Variants in EBF1 observed in about 807,000 individuals in gnomAD.
EBF1 encodes the protein transcription factor COE1.
In EBF1, 10 loss-of-function variants were observed where a neutral mutation model predicts 68.4. That is an observed-to-expected ratio of 0.15 (90% CI 0.09 to 0.25). The LOEUF (loss-of-function observed/expected upper bound fraction) is 0.25. EBF1 is among the 10% of genes least tolerant of loss of function. EBF1 has a pLI of 1.00. For synonymous variants in EBF1, 298 were observed against 299.8 expected, an observed-to-expected ratio of 0.99 and a Z score of 0.06; for missense variants, 509 against 794.4, an observed-to-expected ratio of 0.64 and a Z score of 4.32.
At chr5:158,834,383 C>T (rs1028208349) in intron 7 of EBF1, among the ~76,000 whole-genome samples, 11 of 152,154 alleles carry the variant, frequency 7.2e-5, no homozygotes, top group African/African-American at 2.2e-4. Flanking sequence ...CTCCCCTTCT[C>T]TTTCCTCCAG....
intron 6 of EBF1, among the ~76,000 whole-genome samples, chr5:158,893,273 C>T (rs1349898877): frequency 6.6e-6 from 1 of 152,160 alleles, no homozygotes; most frequent in East Asian, 1.9e-4. Flanking sequence ...TTATAAAATA[C>T]TCAACTTGAC....
rs557389418 is a variant in EBF1, at chr5:158,928,381, G to C, written c.555-88271C>G. The stretch of plus-strand genomic sequence containing the variant: ...TCAAAAAAACAGAAATAGGAGCCCT[G>C]TTACTTATCACATTCAGCTTTAAAA... On this transcript the variant is annotated intron_variant, in intron 6 of 15. Coordinates refer to ENST00000313708, the MANE Select transcript of EBF1 (RefSeq NM_024007.5). Among the ~76,000 whole-genome samples, 3 of 152,246 alleles carry C rather than the reference G, an allele frequency of 2.0e-5. No individual in the cohort carries two copies. In the South Asian group the frequency reaches 6.2e-4, roughly 32 times the overall value.
intron 6 of EBF1, among the ~76,000 whole-genome samples, chr5:158,851,030 T>C (rs1194226251): frequency 1.3e-5 from 2 of 151,384 alleles, no homozygotes; most frequent in East Asian, 2.0e-4. Context: ...TGAGTAGAAA[T>C]AAAAATAAAA....
intron 6 of EBF1, among the ~76,000 whole-genome samples, chr5:158,989,771 T>C (rs1208778813): frequency 6.6e-6 from 1 of 152,176 alleles, no homozygotes; most frequent in Non-Finnish European, 1.5e-5. Context: ...GACATATTAA[T>C]TTATTATAAC....
At chr5:158,769,816 G>A (rs1037021745) in intron 10 of EBF1, among the ~76,000 whole-genome samples, 2 of 151,938 alleles carry the variant, frequency 1.3e-5, no homozygotes, top group Non-Finnish European at 2.9e-5. Context: ...TCTTTTCTTT[G>A]TGTGTAAATG....
At chr5:159,039,987 C>A (rs1391203709) in intron 6 of EBF1, among the ~76,000 whole-genome samples, 4 of 152,082 alleles carry the variant, frequency 2.6e-5, no homozygotes, top group Non-Finnish European at 4.4e-5. Flanking sequence ...GTTTTTTGCT[C>A]AAATGTAATA....
At chr5:159,065,949 C>G (rs993123627) in intron 6 of EBF1, among the ~76,000 whole-genome samples, 3 of 152,058 alleles carry the variant, frequency 2.0e-5, no homozygotes, top group Admixed American at 6.5e-5. Context: ...TGAGGAGCCC[C>G]CCATGCTGCT....
At chr5:158,847,202 G>C (rs531619623) in intron 6 of EBF1, among the ~76,000 whole-genome samples, 1 of 152,264 alleles carries the variant, frequency 6.6e-6, no homozygotes, top group African/African-American at 2.4e-5. Flanking sequence ...TGCCCTTGAG[G>C]GAAGGGCATC....
chr5:158,946,116 T>C (rs1459310895), intron 6 of EBF1, among the ~76,000 whole-genome samples: 2 of 152,174 alleles, frequency 1.3e-5, no homozygotes, highest in African/African-American at 2.4e-5. Flanking sequence ...CTTCCTTGCA[T>C]TGGGTTAGAA....
intron 10 of EBF1, among the ~76,000 whole-genome samples, chr5:158,760,417 C>A (rs1771158395): frequency 6.6e-6 from 1 of 152,054 alleles, no homozygotes; most frequent in Non-Finnish European, 1.5e-5. Context: ...CTGTTCGGCC[C>A]CTAAATGAAC....
chr5:158,744,729 A>C (rs1767175573), intron 10 of EBF1, among the ~76,000 whole-genome samples: 1 of 152,244 alleles, frequency 6.6e-6, no homozygotes, highest in Non-Finnish European at 1.5e-5. Context: ...ACTCAGTCCC[A>C]GATCAGTCCC....
chr5:158,776,840 G>A (rs1208194355), intron 10 of EBF1, among the ~76,000 whole-genome samples: 2 of 152,184 alleles, frequency 1.3e-5, no homozygotes, highest in East Asian at 3.9e-4. Context: ...TCATTCCACA[G>A]AGATGCTGCC....
chr5:159,084,178 AACCCAC>A (rs1370385545), intron 5 of EBF1, among the ~76,000 whole-genome samples: 1 of 152,070 alleles, frequency 6.6e-6, no homozygotes, highest in Non-Finnish European at 1.5e-5. Flanking sequence ...AGAAAAAAAA[AACCCAC>A]ATGCAATTTA....
At chr5:159,056,039 A>C (rs1397658689) in intron 6 of EBF1, among the ~76,000 whole-genome samples, 2 of 152,328 alleles carry the variant, frequency 1.3e-5, no homozygotes, top group East Asian at 3.9e-4. Context: ...CTAACCCTAC[A>C]TGAAACCATT....
At chr5:158,765,550 G>A (rs1283581662) in intron 10 of EBF1, among the ~76,000 whole-genome samples, 1 of 152,168 alleles carries the variant, frequency 6.6e-6, no homozygotes, top group Non-Finnish European at 1.5e-5. Flanking sequence ...TGCCTAGCAA[G>A]TCAGGCCTTC....
rs532823988 is a variant in EBF1 at position 159,017,019 on chromosome 5, A to C, written c.554+56377T>G. Among the ~76,000 whole-genome samples the C allele has an allele frequency of 5.3e-5, 8 of 152,362 alleles. No homozygotes were observed. The South Asian group carries it at 1.7e-3, about 32-fold the overall frequency. ...AAATGTTCTGATTGCCACATTTTAA[A>C]AAGAGAAAATAACCAAGTAAAATTA... On this transcript the variant is annotated intron_variant, in intron 6 of 15. Transcript: ENST00000313708.
At chr5:158,906,440 T>A (rs557101296) in intron 6 of EBF1, among the ~76,000 whole-genome samples, 1 of 152,194 alleles carries the variant, frequency 6.6e-6, no homozygotes, top group East Asian at 1.9e-4. Flanking sequence ...TTCAGTTTAA[T>A]GAGATGTAAC....
intron 6 of EBF1, among the ~76,000 whole-genome samples, chr5:159,030,205 G>A (rs1377678926): frequency 6.6e-6 from 1 of 151,996 alleles, no homozygotes; most frequent in African/African-American, 2.4e-5. Flanking sequence ...AAGTGCACAT[G>A]AATTAAAAGT....
chr5:158,924,789 C>T (rs1809250589), intron 6 of EBF1, among the ~76,000 whole-genome samples: 1 of 134,460 alleles, frequency 7.4e-6, no homozygotes, highest in South Asian at 2.4e-4. Context: ...GGAGGCGCAG[C>T]TTGTGGTGAG....
Sources: allele counts gnomAD v4.1 joint callset (sites outside exome capture counted in the v4.1 genomes callset), GRCh38; gene constraint gnomAD v4.1.1; transcripts MANE v1.5; gene names NCBI Gene and HGNC (gene_info 2026-07-23, HGNC 2026-07-21).